Variants in TANK observed in about 807,000 individuals in gnomAD.
TANK encodes TRAF family member-associated NF-kappa-B activator.
Under a neutral mutation model 43.6 loss-of-function variants are expected in TANK, and 15 were observed. The observed-to-expected ratio is 0.34, with a 90% CI of 0.23 to 0.53. The LOEUF is 0.53. Among genes scored for constraint, TANK ranks in the 20% least tolerant of loss-of-function variants. TANK has a pLI of 0.94. For synonymous variants in TANK, 162 were observed against 178.2 expected, an observed-to-expected ratio of 0.91 and a Z score of 0.73; for missense variants, 417 against 498.6, an observed-to-expected ratio of 0.84 and a Z score of 1.56.
At position 161,138,838 on chromosome 2, in the gene TANK, A is replaced by G. The variant is rs527275084; in HGVS notation, c.-50+1775A>G. Among the ~76,000 whole-genome samples the G allele has an allele frequency of 3.3e-5, 5 of 152,348 alleles. No homozygotes were observed. The East Asian group carries it at 9.6e-4, about 29-fold the overall frequency. The stretch of plus-strand genomic sequence containing the variant: ...GAAACTTATGCACTAATTTGAGGAA[A>G]GTGATCATCCTTATAGCATAGAAAC... On this transcript the variant is annotated intron_variant, in intron 1 of 7. Coordinates refer to the TANK transcript ENST00000259075.
Position 161,206,824 on chromosome 2 carries a change from A to C in TANK, c.327+2031A>C, listed in dbSNP as rs184993676. Reference sequence around the variant, plus strand: ...ACATAAATTTAGTGCTTAAATAAACAATATTTCTAATCTTCCTCTTTCAAT... The same window carrying C: ...ACATAAATTTAGTGCTTAAATAAACCATATTTCTAATCTTCCTCTTTCAAT... On this transcript the variant is annotated intron_variant, in intron 4 of 7. Coordinates refer to ENST00000392749, the MANE Select transcript of TANK (RefSeq NM_001199135.3). Among the ~76,000 whole-genome samples, 7 of 152,264 alleles carry C rather than the reference A, an allele frequency of 4.6e-5. No homozygotes were observed. In the East Asian group the frequency reaches 1.3e-3, roughly 29 times the overall value.
intron 6 of TANK, among the ~76,000 whole-genome samples, chr2:161,228,836 T>A (rs1486065883): frequency 2.0e-5 from 3 of 152,220 alleles, no homozygotes; most frequent in African/African-American, 7.2e-5. Flanking sequence ...AATACACACA[T>A]ACCATTGTGT....
intron 1 of TANK, among the ~76,000 whole-genome samples, chr2:161,144,883 T>C (rs1683859569): frequency 6.6e-6 from 1 of 152,182 alleles, no homozygotes. Context: ...ATCTGTCTAA[T>C]ATTGACAGTA....
At chr2:161,164,181 T>C (rs771905571) in intron 1 of TANK, among the ~76,000 whole-genome samples, 3 of 152,182 alleles carry the variant, frequency 2.0e-5, no homozygotes, top group African/African-American at 4.8e-5. Context: ...CAAAAGCAAA[T>C]GGTAAATAAA....
intron 2 of TANK, among the ~76,000 whole-genome samples, chr2:161,194,236 T>A (rs1686045840): frequency 6.6e-6 from 1 of 151,920 alleles, no homozygotes; most frequent in Non-Finnish European, 1.5e-5. Flanking sequence ...CTCCTGCTTG[T>A]CCCAAGATTC....
intron 1 of TANK, among the ~76,000 whole-genome samples, chr2:161,153,942 C>A (rs1404301746): frequency 1.3e-5 from 2 of 152,156 alleles, no homozygotes; most frequent in African/African-American, 4.8e-5. Flanking sequence ...CTCTCACTTA[C>A]AATCATCATG....
chr2:161,187,435 A>G lies in TANK; in HGVS notation c.99+7674A>G, dbSNP rs141283239. 1.7e-3 allele frequency among the ~76,000 whole-genome samples: 255 copies of G among 152,292 alleles called. 4 individuals carry two copies. In the East Asian group the frequency reaches 0.042, roughly 25 times the overall value. On this transcript the variant is annotated intron_variant, in intron 2 of 7. Transcript: ENST00000392749. Reference sequence around the variant, plus strand: ...CAGAGCAAGAGCCTGTCTCAAAAATAAAAGAACAAAACAACAAAAACTACT... The same window carrying G: ...CAGAGCAAGAGCCTGTCTCAAAAATGAAAGAACAAAACAACAAAAACTACT...
intron 4 of TANK, among the ~76,000 whole-genome samples, chr2:161,214,685 GT>G (rs780945093): frequency 1.4e-4 from 21 of 152,082 alleles, no homozygotes; most frequent in Non-Finnish European, 2.4e-4. Flanking sequence ...TGTGACAATA[GT>G]TGATTTCAAT....
chr2:161,173,745 T>G (rs1004868051), intron 1 of TANK, among the ~76,000 whole-genome samples: 12 of 152,120 alleles, frequency 7.9e-5, no homozygotes, highest in Non-Finnish European at 1.6e-4. Context: ...ACCATGACTG[T>G]TTTTCACTTT....
chr2:161,148,644 G>A (rs752240291), intron 1 of TANK, among the ~76,000 whole-genome samples: 1 of 152,096 alleles, frequency 6.6e-6, no homozygotes, highest in Non-Finnish European at 1.5e-5. Context: ...TGCTATTATG[G>A]TTTTATCTCT....
intron 2 of TANK, chr2:161,179,997 A>T: frequency 8.4e-7 from 1 of 1,193,778 alleles, no homozygotes; most frequent in Non-Finnish European, 1.0e-6. Flanking sequence ...ATTGTGAAAG[A>T]TTGTGAATGT....
At chr2:161,198,701 G>C (rs1449618686) in intron 2 of TANK, among the ~76,000 whole-genome samples, 1 of 152,198 alleles carries the variant, frequency 6.6e-6, no homozygotes, top group Non-Finnish European at 1.5e-5. Context: ...GAAACCAAAA[G>C]CTCAAAGAGG....
chr2:161,210,850 T>A (rs1294870396), intron 4 of TANK, among the ~76,000 whole-genome samples: 1 of 152,160 alleles, frequency 6.6e-6, no homozygotes, highest in Non-Finnish European at 1.5e-5. Context: ...AGAAGACAAG[T>A]TCTTACTTGC....
intron 1 of TANK, among the ~76,000 whole-genome samples, chr2:161,172,150 A>G (rs1004800418): frequency 4.6e-5 from 7 of 152,310 alleles, no homozygotes; most frequent in Middle Eastern, 3.4e-3. Flanking sequence ...TTTACATAAA[A>G]TAACAGACAC....
intron 1 of TANK, chr2:161,162,057 A>G (rs1356501668): frequency 6.6e-6 from 1 of 152,098 alleles, no homozygotes; most frequent in Non-Finnish European, 1.5e-5. Flanking sequence ...TTTTATGACT[A>G]GGCAGCCATT....
At chr2:161,193,012 T>C (rs1685989529) in intron 2 of TANK, among the ~76,000 whole-genome samples, 1 of 152,246 alleles carries the variant, frequency 6.6e-6, no homozygotes, top group Admixed American at 6.5e-5. Flanking sequence ...CCTTACTTTG[T>C]GATTTATACA....
intron 1 of TANK, among the ~76,000 whole-genome samples, chr2:161,147,295 C>G (rs556284754): frequency 2.6e-4 from 39 of 152,336 alleles, no homozygotes; most frequent in Admixed American, 5.2e-4. Context: ...ATCTCTCCCC[C>G]CAAGGAGCTC....
At chr2:161,152,620 A>G (rs1684111083) in intron 1 of TANK, among the ~76,000 whole-genome samples, 1 of 152,154 alleles carries the variant, frequency 6.6e-6, no homozygotes, top group Admixed American at 6.5e-5. Flanking sequence ...TATCTGTACA[A>G]TGAAATAATA....
intron 2 of TANK, among the ~76,000 whole-genome samples, chr2:161,198,268 G>T (rs552583248): frequency 6.6e-6 from 1 of 152,344 alleles, no homozygotes; most frequent in Admixed American, 6.5e-5. Context: ...ACTCAGTAGG[G>T]CAAACATTAA....
Sources: gnomAD v4.1 joint callset for allele counts (sites outside exome capture counted in the v4.1 genomes callset) on GRCh38, gnomAD v4.1.1 for gene constraint, MANE v1.5 for transcripts, NCBI Gene and HGNC (gene_info 2026-07-23, HGNC 2026-07-21) for gene names.